Variants in ADGRB3 observed in about 807,000 individuals in gnomAD.
The protein encoded by ADGRB3 is adhesion G protein-coupled receptor B3.
Under a neutral mutation model 193.4 loss-of-function variants are expected in ADGRB3, and 37 were observed. The observed-to-expected ratio is 0.19, with a 90% CI of 0.15 to 0.25. The LOEUF is 0.25. Ranked by LOEUF, ADGRB3 falls within the 10% of genes least tolerant of loss-of-function variation. The pLI, the probability that ADGRB3 is intolerant of heterozygous loss-of-function variation, is 1.00. For synonymous variants in ADGRB3, 690 were observed against 644.2 expected (o/e 1.07, Z -1.08); for missense variants, 1,637 against 1,852.9 (o/e 0.88, Z 2.14).
chr6:69,255,348 T>C (rs1411538813), intron 20 of ADGRB3, among the ~76,000 whole-genome samples: 1 of 152,160 alleles, frequency 6.6e-6, no homozygotes, highest in Non-Finnish European at 1.5e-5. Context: ...TTCCTATTTC[T>C]CCACATCCTC....
chr6:69,099,685 T>G (rs1772979162), intron 17 of ADGRB3, among the ~76,000 whole-genome samples: 1 of 152,176 alleles, frequency 6.6e-6, no homozygotes. Flanking sequence ...ACATTTGCGT[T>G]TAACAAATGG....
intron 3 of ADGRB3, among the ~76,000 whole-genome samples, chr6:68,918,634 C>G (rs967759154): frequency 3.3e-5 from 5 of 152,152 alleles, no homozygotes; most frequent in East Asian, 1.9e-4. Flanking sequence ...TCAACATCCT[C>G]TTAATATTTC....
At chr6:69,194,332 G>A (rs1327570640) in intron 17 of ADGRB3, among the ~76,000 whole-genome samples, 1 of 152,008 alleles carries the variant, frequency 6.6e-6, no homozygotes, top group Non-Finnish European at 1.5e-5. Flanking sequence ...TACATATTGG[G>A]TAATAGTGAT....
At chr6:68,914,276 T>G (rs1352407239) in intron 3 of ADGRB3, among the ~76,000 whole-genome samples, 3 of 151,232 alleles carry the variant, frequency 2.0e-5, no homozygotes, top group African/African-American at 7.3e-5. Context: ...GGAAAAAATG[T>G]TAAGGGCAGC....
At chr6:69,204,672 T>C (rs150884356) in intron 17 of ADGRB3, among the ~76,000 whole-genome samples, 311 of 152,332 alleles carry the variant, frequency 2.0e-3, no homozygotes, top group Non-Finnish European at 3.1e-3. Flanking sequence ...GCTTTGTTCA[T>C]ATTCTTATTT....
chr6:69,298,538 C>T (rs890020423), intron 20 of ADGRB3, among the ~76,000 whole-genome samples: 8 of 151,838 alleles, frequency 5.3e-5, no homozygotes, highest in African/African-American at 1.7e-4. Context: ...TTACCCTCTC[C>T]GTATTAGCCT....
At chr6:69,193,545 AAG>A (rs1765239322) in intron 17 of ADGRB3, among the ~76,000 whole-genome samples, 1 of 152,118 alleles carries the variant, frequency 6.6e-6, no homozygotes, top group African/African-American at 2.4e-5. Flanking sequence ...TCTGAAAACT[AAG>A]AGAAGTAGAC....
At chr6:69,106,646 T>C (rs918757268) in intron 17 of ADGRB3, among the ~76,000 whole-genome samples, 2 of 152,236 alleles carry the variant, frequency 1.3e-5, no homozygotes, top group African/African-American at 4.8e-5. Context: ...GCTTTAATCG[T>C]ATGCTTTATA....
chr6:68,909,011 A>G (rs2150236351), intron 3 of ADGRB3, among the ~76,000 whole-genome samples: 1 of 152,244 alleles, frequency 6.6e-6, no homozygotes, highest in East Asian at 1.9e-4. Context: ...TCAATATCCT[A>G]TTTGGGATGA....
chr6:69,068,960 C>G (rs991577259), intron 16 of ADGRB3, among the ~76,000 whole-genome samples: 1 of 151,880 alleles, frequency 6.6e-6, no homozygotes, highest in Non-Finnish European at 1.5e-5. Context: ...CTTAGTTTGT[C>G]TAGTTTTCAA....
chr6:69,001,936 C>T (rs868130092), intron 11 of ADGRB3, among the ~76,000 whole-genome samples: 3 of 152,162 alleles, frequency 2.0e-5, no homozygotes, highest in African/African-American at 7.2e-5. Flanking sequence ...TGTAATAATA[C>T]ACTCTGGTAT....
At chr6:68,717,378 T>C (rs145097463) in intron 3 of ADGRB3, among the ~76,000 whole-genome samples, 4 of 151,830 alleles carry the variant, frequency 2.6e-5, no homozygotes, top group African/African-American at 9.6e-5. Flanking sequence ...AAAAACGATA[T>C]GTTTTAGAAT....
At chr6:69,122,488 A>AGGGGGAGGGGGGG (rs1190254869) in intron 17 of ADGRB3, among the ~76,000 whole-genome samples, 26 of 2,142 alleles carry the variant, frequency 0.012, no homozygotes, top group South Asian at 0.036. Flanking sequence ...GGGAGGGGGG[A>AGGGGGAGGGGGGG]GGGGGAGGGG....
At chr6:69,107,810 A>G (rs959215369) in intron 17 of ADGRB3, among the ~76,000 whole-genome samples, 3 of 152,172 alleles carry the variant, frequency 2.0e-5, no homozygotes, top group Non-Finnish European at 4.4e-5. Context: ...AAATACTGCA[A>G]GTTATCACTT....
At chr6:69,065,760 T>TACACACACACACACAC (rs1485700358) in intron 16 of ADGRB3, among the ~76,000 whole-genome samples, 89 of 118,128 alleles carry the variant, frequency 7.5e-4, no homozygotes, top group South Asian at 2.2e-3. Flanking sequence ...TTCATGTATA[T>TACACACACACACACAC]ATATACACAC....
chr6:68,838,955 G>GT (rs1234020823), intron 3 of ADGRB3, among the ~76,000 whole-genome samples: 4 of 152,066 alleles, frequency 2.6e-5, no homozygotes, highest in Non-Finnish European at 5.9e-5. Context: ...TTGGCTTTCA[G>GT]TTCCAAGTCA....
At chr6:68,795,452 A>C (rs1018434816) in intron 3 of ADGRB3, among the ~76,000 whole-genome samples, 3 of 152,106 alleles carry the variant, frequency 2.0e-5, no homozygotes, top group African/African-American at 7.2e-5. Context: ...CAGGAAGCTA[A>C]AGGTTACTAT....
At chr6:69,359,740 T>C (rs1769412428) in intron 28 of ADGRB3, among the ~76,000 whole-genome samples, 1 of 151,946 alleles carries the variant, frequency 6.6e-6, no homozygotes, top group Non-Finnish European at 1.5e-5. Flanking sequence ...CAGTCATCTA[T>C]GCCTAATGAA....
chr6:68,923,434 C>T (rs960265930), intron 3 of ADGRB3, among the ~76,000 whole-genome samples: 11 of 151,948 alleles, frequency 7.2e-5, no homozygotes, highest in African/African-American at 2.7e-4. Flanking sequence ...AAAAAGAAGA[C>T]ATTTCATACT....
Sources: gnomAD v4.1 joint callset for allele counts (sites outside exome capture counted in the v4.1 genomes callset) on GRCh38, gnomAD v4.1.1 for gene constraint, MANE v1.5 for transcripts, NCBI Gene and HGNC (gene_info 2026-07-23, HGNC 2026-07-21) for gene names.